WDFY3: variants seen among roughly 807,000 people sequenced by gnomAD.
WDFY3 encodes the protein WD repeat and FYVE domain containing 3.
Under a neutral mutation model 409.6 loss-of-function variants are expected in WDFY3, and 66 were observed. The observed-to-expected ratio is 0.16, with a 90% CI of 0.13 to 0.20. The LOEUF is 0.20. Among genes scored for constraint, WDFY3 ranks in the 10% least tolerant of loss-of-function variants. The pLI, the probability that WDFY3 is intolerant of heterozygous loss-of-function variation, is 1.00. For missense variants in WDFY3, 3,031 were observed against 4,298.1 expected (o/e 0.71, Z 8.24); for synonymous variants, 1,521 against 1,537.1 (o/e 0.99, Z 0.25).
At chr4:84,962,863 G>A (rs894078321) in intron 1 of WDFY3, among the ~76,000 whole-genome samples, 25 of 151,506 alleles carry the variant, frequency 1.7e-4, no homozygotes, top group African/African-American at 5.6e-4. Flanking sequence ...TAGTAGACAC[G>A]GGGATTCACC....
In WDFY3 at chr4:84,843,463, C is replaced by T. The variant is rs184939292; in HGVS notation, c.305-2200G>A. 2.0e-4 allele frequency among the ~76,000 whole-genome samples: 31 copies of T among 152,272 alleles called. No individual in the cohort carries two copies. In the East Asian group the frequency reaches 3.3e-3, roughly 16 times the overall value. ...TTGTCCAGGCTGGAGTGCACGATCA[C>T]GGCTTACTGCAGCCTCAATCTCCTC... On this transcript the variant is annotated intron_variant, in intron 5 of 67. Coordinates refer to ENST00000295888, the MANE Select transcript of WDFY3 (RefSeq NM_014991.6).
rs1033856785 is a variant in WDFY3, at chr4:84,671,839, G to T, written c.*1029C>A. 7.2e-5 allele frequency: 11 copies of T among 152,328 alleles called. No individual in the cohort carries two copies. Among genetic ancestry groups the T allele is most frequent in the African/African-American group, 2.7e-4 (11 of 41,398 alleles). The allele number at this position is 152,328 out of a possible 1,614,324, so 9.4% of individuals were successfully genotyped here. On this transcript the variant is annotated 3_prime_UTR_variant, in exon 68 of 68. Transcript: ENST00000295888. ...TCTTTCTTTCCTTTTTTTACCCCTT[G>T]TTTGAAAATAAGCTATAGTAGAACA...
chr4:84,845,156 A>G (rs544789491), intron 5 of WDFY3, among the ~76,000 whole-genome samples: 9 of 152,338 alleles, frequency 5.9e-5, no homozygotes, highest in Admixed American at 1.3e-4. Flanking sequence ...GGTAACACCC[A>G]AAATAACAAG....
chr4:84,954,236 A>C (rs1000273937), intron 1 of WDFY3, among the ~76,000 whole-genome samples: 3 of 152,216 alleles, frequency 2.0e-5, no homozygotes, highest in Admixed American at 6.5e-5. Context: ...TTAATCCCTG[A>C]TACTTGATCT....
At chr4:84,767,263 GTCT>G (rs200885595) in intron 30 of WDFY3, among the ~76,000 whole-genome samples, 65,778 of 151,554 alleles carry the variant, frequency 0.43, 14,770 homozygotes, top group African/African-American at 0.53. Context: ...AAGTGCCACT[GTCT>G]TACTCTTATA....
intron 2 of WDFY3, among the ~76,000 whole-genome samples, chr4:84,915,589 A>C (rs1487682387): frequency 1.3e-5 from 2 of 152,230 alleles, no homozygotes; most frequent in East Asian, 3.8e-4. Flanking sequence ...TTAAACTCAC[A>C]AACACTCCAC....
chr4:84,899,671 A>G (rs1243862491), intron 2 of WDFY3, among the ~76,000 whole-genome samples: 1 of 152,184 alleles, frequency 6.6e-6, no homozygotes, highest in Admixed American at 6.5e-5. Flanking sequence ...TACCCACAAC[A>G]GAGACCCTAA....
chr4:84,852,073 T>C (rs1759102075), intron 4 of WDFY3, among the ~76,000 whole-genome samples: 1 of 152,210 alleles, frequency 6.6e-6, no homozygotes, highest in South Asian at 2.1e-4. Context: ...AAGGAAGGAC[T>C]TCTCTCTGGC....
intron 3 of WDFY3, among the ~76,000 whole-genome samples, chr4:84,867,957 T>C (rs1761628953): frequency 6.6e-6 from 1 of 151,398 alleles, no homozygotes; most frequent in Non-Finnish European, 1.5e-5. Context: ...GATCACAAGG[T>C]CAAGAGATCA....
At chr4:84,851,104 A>C (rs574675484) in intron 4 of WDFY3, among the ~76,000 whole-genome samples, 2 of 151,562 alleles carry the variant, frequency 1.3e-5, no homozygotes, top group Admixed American at 6.6e-5. Flanking sequence ...AATAATTTTT[A>C]AAAATAAATG....
intron 58 of WDFY3, among the ~76,000 whole-genome samples, chr4:84,694,504 A>T (rs1254703944): frequency 6.6e-6 from 1 of 152,250 alleles, no homozygotes; most frequent in Non-Finnish European, 1.5e-5. Flanking sequence ...TATGTTCAGA[A>T]TATGTATTTC....
intron 32 of WDFY3, among the ~76,000 whole-genome samples, chr4:84,758,870 T>A (rs1056649353): frequency 6.6e-6 from 1 of 152,218 alleles, no homozygotes; most frequent in African/African-American, 2.4e-5. Context: ...AGACATGAAG[T>A]CCTTGCCCGT....
rs150302968 is a variant in WDFY3 at position 84,929,907 on chromosome 4, G to A, written c.-132+2363C>T. On this transcript the variant is annotated intron_variant, in intron 2 of 67. Coordinates refer to ENST00000295888, the MANE Select transcript of WDFY3 (RefSeq NM_014991.6). Reference sequence around the variant, plus strand: ...GCCTGGGCAACAAGAGAGAAACTTCGCTTAAAAAAAAAAAAAATCTAGACA... The same window carrying A: ...GCCTGGGCAACAAGAGAGAAACTTCACTTAAAAAAAAAAAAAATCTAGACA... 1.0e-3 allele frequency among the ~76,000 whole-genome samples: 151 copies of A among 149,740 alleles called. 2 individuals carry two copies. Among genetic ancestry groups the A allele is most frequent in the African/African-American group, 3.6e-3 (148 of 40,600 alleles).
In WDFY3 at chr4:84,809,916, A is replaced by G; in HGVS notation, c.2316T>C (p.Leu772=). Residue 772 remains leucine (L), a synonymous_variant, in exon 14 of 68, where the codon CTT becomes CTC. Transcript: ENST00000295888. ...CAAAAGAATCTGTGGCTACTTTGTA[A>G]AGATAAATAAAAAGTTTACTGCAGT... The part of the protein sequence containing the change: ...LRHCSKLFIY[L]YKVATDSFDS... 3 of 1,614,076 alleles carry G rather than the reference A, an allele frequency of 1.9e-6. No homozygotes were observed. The highest frequency in any genetic ancestry group is 2.5e-6 in the Non-Finnish European group (3 of 1,179,960).
At chr4:84,935,903 G>A (rs943142818) in intron 1 of WDFY3, among the ~76,000 whole-genome samples, 1 of 151,970 alleles carries the variant, frequency 6.6e-6, no homozygotes, top group African/African-American at 2.4e-5. Context: ...ATAATTCTCA[G>A]GAATCAAGTT....
At chr4:84,871,321 G>A (rs948486828) in intron 3 of WDFY3, among the ~76,000 whole-genome samples, 2 of 152,116 alleles carry the variant, frequency 1.3e-5, no homozygotes, top group African/African-American at 4.8e-5. Context: ...CAAGCAAAAA[G>A]AGAAGGAGTG....
intron 2 of WDFY3, among the ~76,000 whole-genome samples, chr4:84,929,851 C>G (rs1770520704): frequency 6.6e-6 from 1 of 151,654 alleles, no homozygotes; most frequent in Admixed American, 6.6e-5. Context: ...GCGGAGGTTA[C>G]AGTCAGTCAA....
At position 84,809,920 on chromosome 4, in the gene WDFY3, T is replaced by A; in HGVS notation, c.2312A>T (p.Tyr771Phe). ...TLRHCSKLFI[Y>F]LYKVATDSFD... is the part of the protein sequence containing the mutation. ...AGAATCTGTGGCTACTTTGTAAAGA[T>A]AAATAAAAAGTTTACTGCAGTGCCG... is the stretch of plus-strand genomic sequence containing the variant. The change falls in exon 14 of 68, where the codon TAT becomes TTT. Residue 771 changes from tyrosine (Y) to phenylalanine (F), a missense_variant. By Grantham distance (22) the Tyr-to-Phe change is conservative. Coordinates refer to ENST00000295888, the MANE Select transcript of WDFY3 (RefSeq NM_014991.6). 1 of 1,614,044 alleles carries A rather than the reference T, an allele frequency of 6.2e-7. No homozygotes were observed. Among genetic ancestry groups the A allele is most frequent in the South Asian group, 1.1e-5 (1 of 91,078 alleles).
rs1303692435 is a variant in WDFY3, at chr4:84,740,307, G to A, written c.6344C>T (p.Ala2115Val). Residue 2115 changes from alanine (A) to valine (V), a missense_variant, in exon 39 of 68, where the codon GCT becomes GTT. Around this residue, in one of 16 missense-constraint regions of WDFY3, gnomAD observed 314 missense variants for 397.4 expected, o/e 0.79. Transcript: ENST00000295888. ...GAGGACCCTGAGTGAATCAAGCAGA[G>A]CTACTTGCTGAGGAACGGTTTTGTG... ...RAHKTVPQQV[A>V]LLDSLRVLTV... 3 of 1,613,942 alleles carry A rather than the reference G, an allele frequency of 1.9e-6. No individual in the cohort carries two copies. The Admixed American group carries it at 5.0e-5, about 27-fold the overall frequency.
Sources: allele counts gnomAD v4.1 joint callset (sites outside exome capture counted in the v4.1 genomes callset), GRCh38; gene constraint gnomAD v4.1.1; regional missense constraint gnomAD v4.1.1; transcripts MANE v1.5; gene names NCBI Gene and HGNC (gene_info 2026-07-23, HGNC 2026-07-21).